NOTCH2NLB: variants seen among roughly 807,000 people sequenced by gnomAD.
The protein encoded by NOTCH2NLB is notch 2 N-terminal like B.
In NOTCH2NLB, 1 loss-of-function variant was observed where a neutral mutation model predicts 14.8. The observed-to-expected ratio is 0.07, with a 90% CI of 0.02 to 0.32. NOTCH2NLB has a LOEUF of 0.32. Among genes scored for constraint, NOTCH2NLB ranks in the 10% least tolerant of loss-of-function variants. The probability of loss-of-function intolerance (pLI) is 1.00; values close to 1 mark genes in which losing one functional copy is unlikely to be tolerated. For missense variants in NOTCH2NLB, 11 were observed against 155.0 expected (o/e 0.07, Z 4.93); for synonymous variants, 6 against 57.5 (o/e 0.10, Z 4.05).
chr1:148,675,091 TAGTAATAC>T (rs1164405691), intron 1 of NOTCH2NLB, among the ~76,000 whole-genome samples: 6 of 89,324 alleles, frequency 6.7e-5, no homozygotes, highest in African/African-American at 1.1e-4. Context: ...ATTGCTGGCC[TAGTAATAC>T]AGTAATACAG....
chr1:148,637,282 A>G, intron 2 of NOTCH2NLB, among the ~76,000 whole-genome samples: 1 of 139,556 alleles, frequency 7.2e-6, no homozygotes, highest in Admixed American at 7.0e-5. Context: ...GTTAGCCAGG[A>G]TGGTCTCCAA....
intron 1 of NOTCH2NLB, among the ~76,000 whole-genome samples, chr1:148,674,777 C>A (rs1664816200): frequency 7.7e-6 from 1 of 129,828 alleles, no homozygotes; most frequent in South Asian, 2.7e-4. Flanking sequence ...CAACTCAACA[C>A]CATGTGATTC....
At chr1:148,600,521 G>C in the NOTCH2NLB span, among the ~76,000 whole-genome samples, 2 of 131,364 alleles carry the variant, frequency 1.5e-5, no homozygotes, top group East Asian at 4.5e-4. Context: ...CTCCAAAGAA[G>C]ATACATAATG....
intron 1 of NOTCH2NLB, among the ~76,000 whole-genome samples, chr1:148,651,162 A>AAAATATATATATATATAT (rs1553341433): frequency 2.2e-5 from 1 of 46,020 alleles, no homozygotes; most frequent in Non-Finnish European, 4.2e-5. Context: ...AAAAAAAAAA[A>AAAATATATATATATATAT]ATATATATAT....
At chr1:148,670,813 C>T (rs1351178655) in intron 1 of NOTCH2NLB, among the ~76,000 whole-genome samples, 9 of 63,332 alleles carry the variant, frequency 1.4e-4, no homozygotes, top group African/African-American at 4.1e-4. Context: ...GTAAACATAA[C>T]GAATAATTCT....
At chr1:148,600,439 TA>T in the NOTCH2NLB span, among the ~76,000 whole-genome samples, 1 of 143,072 alleles carries the variant, frequency 7.0e-6, no homozygotes, top group Non-Finnish European at 1.5e-5. Flanking sequence ...ATATATTTTT[TA>T]AAAACTATTA....
At chr1:148,697,760 A>C in the NOTCH2NLB span, among the ~76,000 whole-genome samples, 20,736 of 107,218 alleles carry the variant, frequency 0.19, 406 homozygotes, top group Admixed American at 0.28. Flanking sequence ...TCATTTTTAA[A>C]AAGTATAATT....
chr1:148,703,081 C>T, the NOTCH2NLB span, among the ~76,000 whole-genome samples: 2 of 28,372 alleles, frequency 7.0e-5, no homozygotes, highest in African/African-American at 2.3e-4. Context: ...CACTGCACTC[C>T]AGCCTGGGCG....
intron 3 of NOTCH2NLB, among the ~76,000 whole-genome samples, chr1:148,610,365 G>GAA (rs1241508240): frequency 2.5e-5 from 3 of 119,168 alleles, no homozygotes; most frequent in African/African-American, 7.1e-5. Context: ...AAGAAAGAAA[G>GAA]AAAGAAAGAG....
rs1310006799 is a variant in NOTCH2NLB, at chr1:148,637,263, T to A, written c.77+2753A>T. ...TTTTGCATTTTTAGTAGAGATGGGA[T>A]TTCACCGTGTTAGCCAGGATGGTCT... On this transcript the variant is annotated intron_variant, in intron 2 of 4. Coordinates refer to ENST00000593495, the Ensembl canonical transcript of NOTCH2NLB. 2.3e-3 allele frequency among the ~76,000 whole-genome samples: 316 copies of A among 136,990 alleles called. 1 individual carries two copies. Among genetic ancestry groups the A allele is most frequent in the East Asian group, 9.0e-3 (40 of 4,454 alleles). The allele number at this position is 136,990 out of a possible 152,430, so 89.9% of individuals were successfully genotyped here. A position where few individuals can be genotyped will look rare whatever the true frequency, so the allele number is the denominator to read the frequency against.
At chr1:148,670,539 A>ATATATATATATACATATATAT (rs1553341886) in intron 1 of NOTCH2NLB, among the ~76,000 whole-genome samples, 1 of 93,482 alleles carries the variant, frequency 1.1e-5, no homozygotes, top group African/African-American at 4.3e-5. Context: ...TAAAAAAAAA[A>ATATATATATATACATATATAT]ATATATATAT....
chr1:148,702,952 A>C, the NOTCH2NLB span, among the ~76,000 whole-genome samples: 2 of 23,010 alleles, frequency 8.7e-5, no homozygotes, highest in South Asian at 1.7e-3. Context: ...TCTACTAAAA[A>C]TACAAAAAAT....
chr1:148,645,731 C>T (rs1296463719), intron 1 of NOTCH2NLB, among the ~76,000 whole-genome samples: 1 of 150,534 alleles, frequency 6.6e-6, no homozygotes, highest in Non-Finnish European at 1.5e-5. Context: ...CAGAAAGCTT[C>T]CCCTGGAGGG....
At chr1:148,670,731 A>T (rs1330532519) in intron 1 of NOTCH2NLB, among the ~76,000 whole-genome samples, 2 of 105,384 alleles carry the variant, frequency 1.9e-5, no homozygotes, top group Admixed American at 1.9e-4. Flanking sequence ...TACTTTTTAT[A>T]TTACAAAAAT....
the NOTCH2NLB span, among the ~76,000 whole-genome samples, chr1:148,695,746 TGG>T: frequency 1.3e-5 from 2 of 150,816 alleles, no homozygotes. Context: ...AGATCACCCT[TGG>T]CAGTGTGAGT....
chr1:148,674,903 T>G, intron 1 of NOTCH2NLB, among the ~76,000 whole-genome samples: 1 of 137,398 alleles, frequency 7.3e-6, no homozygotes, highest in Non-Finnish European at 1.6e-5. Flanking sequence ...GTACATATTC[T>G]CTCAATCCAG....
chr1:148,637,294 C>T (rs1664226242), intron 2 of NOTCH2NLB, among the ~76,000 whole-genome samples: 1 of 138,768 alleles, frequency 7.2e-6, no homozygotes, highest in East Asian at 2.0e-4. Flanking sequence ...GGTCTCCAAC[C>T]TTGGTTGGAG....
chr1:148,670,566 A>ATG, intron 1 of NOTCH2NLB, among the ~76,000 whole-genome samples: 2 of 139,032 alleles, frequency 1.4e-5, no homozygotes, highest in African/African-American at 5.1e-5. Context: ...ATATATATAT[A>ATG]TATATATATA....
At chr1:148,670,533 A>ATAT (rs1664743280) in intron 1 of NOTCH2NLB, among the ~76,000 whole-genome samples, 6 of 22,066 alleles carry the variant, frequency 2.7e-4, no homozygotes, top group African/African-American at 8.5e-4. Flanking sequence ...ATAAACTAAA[A>ATAT]AAAAAAATAT....
Sources: allele counts gnomAD v4.1 joint callset (sites outside exome capture counted in the v4.1 genomes callset), GRCh38; gene constraint gnomAD v4.1.1; transcripts MANE v1.5; gene names NCBI Gene and HGNC (gene_info 2026-07-23, HGNC 2026-07-21).